GRM8: variants seen among roughly 807,000 people sequenced by gnomAD.
GRM8 encodes the protein metabotropic glutamate receptor 8.
GRM8 carries 47 observed loss-of-function variants against 87.2 expected under a neutral mutation model. The observed-to-expected ratio is 0.54, with a 90% confidence interval of 0.43 to 0.69. GRM8 has a LOEUF of 0.69. GRM8 is among the 30% of genes least tolerant of loss of function. GRM8 has a pLI of 0.00. For missense variants in GRM8, 1,019 were observed against 1,139.2 expected (o/e 0.89, Z 1.52); for synonymous variants, 396 against 404.5 (o/e 0.98, Z 0.25).
intron 7 of GRM8, among the ~76,000 whole-genome samples, chr7:126,630,181 C>T (rs1801121444): frequency 6.6e-6 from 1 of 151,432 alleles, no homozygotes; most frequent in Non-Finnish European, 1.5e-5. Flanking sequence ...AAACTAAGCA[C>T]TTATTTTAAT....
At chr7:127,236,905 C>T (rs552799997) in intron 2 of GRM8, among the ~76,000 whole-genome samples, 33 of 152,078 alleles carry the variant, frequency 2.2e-4, no homozygotes, top group Non-Finnish European at 3.5e-4. Context: ...CCACATGGTG[C>T]TTACAGTCTA....
rs2150859962 is a variant in GRM8 at position 126,533,673 on chromosome 7, T to C, written c.1709A>G (p.Gln570Arg). Residue 570 changes from glutamine (Q) to arginine (R), a missense_variant, in exon 9 of 11, where the codon CAG becomes CGG. Physicochemically the swap from Gln to Arg is conservative, Grantham distance 43. Transcript: ENST00000339582. ...CTCCAATTTGATGATGGGGATAAGC[T>C]GGCAGCCTGTGCGGTTCATGTTGGG... Reference protein sequence around the residue: ...QRPNMNRTGCQLIPIIKLEWH... With the variant: ...QRPNMNRTGCRLIPIIKLEWH... 1 of 1,614,052 alleles carries C rather than the reference T, an allele frequency of 6.2e-7. No homozygotes were observed. Among genetic ancestry groups the C allele is most frequent in the South Asian group, 1.1e-5 (1 of 91,080 alleles).
chr7:127,076,155 A>G (rs1208803312), intron 3 of GRM8: 1 of 456,554 alleles, frequency 2.2e-6, no homozygotes, highest in Non-Finnish European at 4.4e-6. Context: ...CTGCATTAGA[A>G]GCAGAAATTG....
Position 126,732,103 on chromosome 7 carries a change from C to A in GRM8, c.1357+37762G>T, listed in dbSNP as rs181367533. Among the ~76,000 whole-genome samples the A allele has an allele frequency of 2.0e-4, 30 of 152,064 alleles. 1 individual carries two copies. In the South Asian group the frequency reaches 6.0e-3, roughly 31 times the overall value. On this transcript the variant is annotated intron_variant, in intron 7 of 10. Transcript: ENST00000339582. ...TACTTAAATGTGCTAGTAGTTATTT[C>A]TTGTATACAGTCATTAAATTTAGTT...
At chr7:127,105,575 G>A (rs1825729863) in intron 3 of GRM8, among the ~76,000 whole-genome samples, 1 of 152,042 alleles carries the variant, frequency 6.6e-6, no homozygotes, top group African/African-American at 2.4e-5. Context: ...CTGAGTCGAG[G>A]CCTCTAAGAA....
At chr7:126,707,367 C>T (rs1810633358) in intron 7 of GRM8, among the ~76,000 whole-genome samples, 1 of 151,986 alleles carries the variant, frequency 6.6e-6, no homozygotes, top group East Asian at 1.9e-4. Context: ...AAGTTGTAAG[C>T]CAGCTGGAAA....
intron 3 of GRM8, among the ~76,000 whole-genome samples, chr7:127,038,756 C>G (rs947713451): frequency 3.3e-5 from 5 of 152,152 alleles, no homozygotes; most frequent in Admixed American, 3.3e-4. Flanking sequence ...ATATTATCTG[C>G]TAAAATGGAG....
chr7:126,918,478 A>G (rs1312772315), intron 3 of GRM8, among the ~76,000 whole-genome samples: 1 of 151,232 alleles, frequency 6.6e-6, no homozygotes, highest in African/African-American at 2.5e-5. Context: ...AGGAATACAG[A>G]AAAAAAATTA....
In GRM8 at chr7:126,902,595, C is replaced by T. The variant is rs78947184; in HGVS notation, c.1103G>A (p.Gly368Asp). ...TTTCCCATGTGATCCTAACTTGCAG[C>T]CAAAATTCTCCTCCCAGAATTCTGC... ...WFAEFWEENF[G>D]CKLGSHGKRN... The change falls in exon 6 of 11, where the codon GGC becomes GAC. Residue 368 changes from glycine (G) to aspartate (D), a missense_variant. Transcript: ENST00000339582. 13 of 1,609,942 alleles carry T rather than the reference C, an allele frequency of 8.1e-6. No individual in the cohort carries two copies. The Admixed American group carries it at 1.2e-4, about 15-fold the overall frequency.
intron 6 of GRM8, among the ~76,000 whole-genome samples, chr7:126,816,350 ATAAC>A (rs984946982): frequency 2.6e-5 from 4 of 152,156 alleles, no homozygotes; most frequent in Admixed American, 2.0e-4. Context: ...ATGTGGAACT[ATAAC>A]AAACTCTGAA....
At chr7:126,957,730 T>C (rs537830942) in intron 3 of GRM8, among the ~76,000 whole-genome samples, 3 of 152,274 alleles carry the variant, frequency 2.0e-5, no homozygotes, top group African/African-American at 7.2e-5. Flanking sequence ...GGTGGCTCAG[T>C]GTGGGCCTGC....
chr7:127,160,764 G>A (rs996426577), intron 2 of GRM8, among the ~76,000 whole-genome samples: 2 of 152,024 alleles, frequency 1.3e-5, no homozygotes, highest in African/African-American at 4.8e-5. Context: ...AAGTGGGGAC[G>A]CCTCCAGGGA....
chr7:126,580,455 C>A lies in GRM8; in HGVS notation c.1494+28907G>T, dbSNP rs140480536. On this transcript the variant is annotated intron_variant, in intron 8 of 10. Transcript: ENST00000339582. ...GTGATCTTCTTCTTAAGGCTTTCTT[C>A]TTTTTCCTAAAATCTCTTTCTTCTG... 5.4e-3 allele frequency among the ~76,000 whole-genome samples: 818 copies of A among 152,178 alleles called. 5 individuals carry two copies. The highest frequency in any genetic ancestry group is 8.4e-3 in the Non-Finnish European group (572 of 67,954).
At chr7:126,765,002 T>C (rs1163202253) in intron 7 of GRM8, among the ~76,000 whole-genome samples, 1 of 152,028 alleles carries the variant, frequency 6.6e-6, no homozygotes, top group Non-Finnish European at 1.5e-5. Context: ...TAGGGAGTGG[T>C]CTGTGACAAC....
chr7:126,503,024 C>T lies in GRM8; in HGVS notation c.2430+29928G>A, dbSNP rs1809882511. ...ATTCCTATGGCAAGTGGGATTGGTTCACTGCTAGGGAATGAGACTCAAACA... is the reference window on the plus strand; with the variant it reads ...ATTCCTATGGCAAGTGGGATTGGTTTACTGCTAGGGAATGAGACTCAAACA... On this transcript the variant is annotated intron_variant, in intron 9 of 10. Transcript: ENST00000339582. Among the ~76,000 whole-genome samples, 3 of 151,906 alleles carry T rather than the reference C, an allele frequency of 2.0e-5. No homozygotes were observed. The South Asian group carries it at 6.2e-4, about 31-fold the overall frequency.
chr7:126,692,299 A>G (rs1808909314), intron 7 of GRM8, among the ~76,000 whole-genome samples: 1 of 152,218 alleles, frequency 6.6e-6, no homozygotes, highest in African/African-American at 2.4e-5. Context: ...AAATTCTACT[A>G]TAATTGGGTC....
At chr7:126,689,082 A>G (rs1455841786) in intron 7 of GRM8, among the ~76,000 whole-genome samples, 1 of 152,196 alleles carries the variant, frequency 6.6e-6, no homozygotes, top group African/African-American at 2.4e-5. Context: ...TTCTTGCTCT[A>G]TAAGAACAGA....
At chr7:126,752,929 A>G (rs897039212) in intron 7 of GRM8, among the ~76,000 whole-genome samples, 2 of 152,074 alleles carry the variant, frequency 1.3e-5, no homozygotes, top group African/African-American at 4.8e-5. Flanking sequence ...CTTGTTAAGT[A>G]TATGTGTTAC....
chr7:127,136,993 T>C (rs962913409), intron 2 of GRM8, among the ~76,000 whole-genome samples: 6 of 152,052 alleles, frequency 3.9e-5, no homozygotes, highest in Non-Finnish European at 8.8e-5. Context: ...AGAATGTATA[T>C]AAGAATTAAA....
Sources: allele counts gnomAD v4.1 joint callset (sites outside exome capture counted in the v4.1 genomes callset), GRCh38; gene constraint gnomAD v4.1.1; transcripts MANE v1.5; gene names NCBI Gene and HGNC (gene_info 2026-07-23, HGNC 2026-07-21).